Variants in CHRM5 observed in about 807,000 individuals in gnomAD.
The protein encoded by CHRM5 is muscarinic acetylcholine receptor M5.
Under a neutral mutation model 39.0 loss-of-function variants are expected in CHRM5, and 18 were observed. The ratio of observed to expected loss-of-function variants is 0.46; its 90% CI spans 0.32 to 0.68. The LOEUF is 0.68. CHRM5 is among the 30% of genes least tolerant of loss of function. CHRM5 has a pLI of 0.04. For missense variants in CHRM5, 515 were observed against 651.1 expected (o/e 0.79, Z 2.28); for synonymous variants, 241 against 246.3 (o/e 0.98, Z 0.20).
At chr15:34,038,474 G>C (rs2140793050) in intron 1 of CHRM5, among the ~76,000 whole-genome samples, 1 of 152,288 alleles carries the variant, frequency 6.6e-6, no homozygotes, top group Non-Finnish European at 1.5e-5. Context: ...GAGACTTGCA[G>C]CCCTGACACA....
At chr15:34,053,319 A>AATAT (rs71119922) in intron 2 of CHRM5, among the ~76,000 whole-genome samples, 1,978 of 41,866 alleles carry the variant, frequency 0.047, 126 homozygotes, top group Non-Finnish European at 0.068. Context: ...AAAAAAAAAA[A>AATAT]ATATATATAT....
intron 1 of CHRM5, among the ~76,000 whole-genome samples, chr15:33,989,600 A>G (rs1440353610): frequency 6.6e-6 from 1 of 152,076 alleles, no homozygotes; most frequent in East Asian, 1.9e-4. Context: ...CAATACTAAC[A>G]CTACAGCCGT....
intron 1 of CHRM5, among the ~76,000 whole-genome samples, chr15:34,021,846 A>C (rs910044303): frequency 6.6e-6 from 1 of 151,860 alleles, no homozygotes; most frequent in Non-Finnish European, 1.5e-5. Context: ...ACAGCGCAAG[A>C]CTCCATCTCA....
chr15:34,006,425 G>C (rs753204), intron 1 of CHRM5, among the ~76,000 whole-genome samples: 1 of 152,076 alleles, frequency 6.6e-6, no homozygotes, highest in African/African-American at 2.4e-5. Flanking sequence ...TGGCCCATTG[G>C]GTGAACAGAG....
intron 1 of CHRM5, among the ~76,000 whole-genome samples, chr15:33,988,548 C>T (rs1199642693): frequency 6.6e-6 from 1 of 152,176 alleles, no homozygotes; most frequent in Admixed American, 6.5e-5. Flanking sequence ...AATGACAGCA[C>T]TGATGACCGC....
chr15:34,027,091 A>T (rs947506564), intron 1 of CHRM5, among the ~76,000 whole-genome samples: 5 of 152,222 alleles, frequency 3.3e-5, no homozygotes, highest in African/African-American at 1.2e-4. Flanking sequence ...AATTGTCAAC[A>T]TATACTCTTT....
intron 1 of CHRM5, among the ~76,000 whole-genome samples, chr15:34,037,116 A>T (rs1397850691): frequency 1.3e-5 from 2 of 151,248 alleles, no homozygotes; most frequent in East Asian, 1.9e-4. Context: ...TCTCAAAAAA[A>T]AAAAAAAAAT....
At chr15:33,986,788 C>A (rs1597315443) in intron 1 of CHRM5, among the ~76,000 whole-genome samples, 1 of 151,508 alleles carries the variant, frequency 6.6e-6, no homozygotes, top group Non-Finnish European at 1.5e-5. Flanking sequence ...GCCCGAGTAG[C>A]TGGGACTACA....
chr15:34,001,916 C>A (rs1897151732), intron 1 of CHRM5, among the ~76,000 whole-genome samples: 1 of 152,134 alleles, frequency 6.6e-6, no homozygotes, highest in African/African-American at 2.4e-5. Flanking sequence ...TCAAAGCAGT[C>A]CCAAAGTATT....
At chr15:34,013,149 C>G (rs113795754) in intron 1 of CHRM5, among the ~76,000 whole-genome samples, 1 of 151,930 alleles carries the variant, frequency 6.6e-6, no homozygotes, top group Non-Finnish European at 1.5e-5. Flanking sequence ...GCAACCTCTG[C>G]CTCCTGGGTT....
intron 2 of CHRM5, among the ~76,000 whole-genome samples, chr15:34,049,452 C>T (rs1355626405): frequency 6.6e-6 from 1 of 151,936 alleles, no homozygotes. Context: ...AAAAAAGAAT[C>T]GCAGAGTTTG....
chr15:34,038,960 G>GGGCCGCTCGCTGTGGCGATCTCCGCCA, intron 1 of CHRM5: 1 of 1,108,478 alleles, frequency 9.0e-7, no homozygotes. Flanking sequence ...CTGCGGCTCC[G>GGGCCGCTCGCTGTGGCGATCTCCGCCA]GGCCGCTCGC....
chr15:33,983,584 C>T (rs887166847), intron 1 of CHRM5, among the ~76,000 whole-genome samples: 5 of 152,066 alleles, frequency 3.3e-5, no homozygotes, highest in Non-Finnish European at 5.9e-5. Flanking sequence ...TAAGGAAAAA[C>T]AGTATCTTTG....
chr15:34,030,936 C>T (rs1898758947), intron 1 of CHRM5, among the ~76,000 whole-genome samples: 1 of 151,974 alleles, frequency 6.6e-6, no homozygotes, highest in East Asian at 1.9e-4. Flanking sequence ...TTTTAATTTT[C>T]CCCAAATGTA....
At chr15:33,987,997 C>A (rs1278706425) in intron 1 of CHRM5, among the ~76,000 whole-genome samples, 4 of 152,228 alleles carry the variant, frequency 2.6e-5, no homozygotes, top group Non-Finnish European at 5.9e-5. Context: ...ACCTGACCAA[C>A]TTCCATAGGC....
chr15:33,983,160 ATG>A (rs1491327104), intron 1 of CHRM5, among the ~76,000 whole-genome samples: 71 of 64,584 alleles, frequency 1.1e-3, no homozygotes, highest in Admixed American at 4.0e-3. Context: ...GTGTGTGTGT[ATG>A]TGTGTGTGTA....
intron 1 of CHRM5, among the ~76,000 whole-genome samples, chr15:33,984,067 T>C (rs8039609): frequency 0.29 from 44,497 of 151,874 alleles, 8,191 homozygotes; most frequent in African/African-American, 0.51. Flanking sequence ...AGAATAAATG[T>C]AATGTGGTAT....
At chr15:34,062,331 G>A (rs532579911) in intron 2 of CHRM5, among the ~76,000 whole-genome samples, 6 of 152,190 alleles carry the variant, frequency 3.9e-5, no homozygotes, top group African/African-American at 1.2e-4. Context: ...CGAGGCGGGT[G>A]GATCACGAAG....
At chr15:34,029,976 G>C (rs776143039) in intron 1 of CHRM5, among the ~76,000 whole-genome samples, 1 of 152,062 alleles carries the variant, frequency 6.6e-6, no homozygotes, top group African/African-American at 2.4e-5. Context: ...ATTCCAAGCC[G>C]AGCATGGTGA....
Sources: allele counts gnomAD v4.1 joint callset (sites outside exome capture counted in the v4.1 genomes callset), GRCh38; gene constraint gnomAD v4.1.1; transcripts MANE v1.5; gene names NCBI Gene and HGNC (gene_info 2026-07-23, HGNC 2026-07-21).